Variants in TAB2 observed in about 807,000 individuals in gnomAD.
TAB2 encodes TGF-beta activated kinase 1 (MAP3K7) binding protein 2.
A neutral mutation model predicts 65.0 loss-of-function variants in TAB2; 3 were observed. That is an observed-to-expected ratio of 0.05 (90% CI 0.02 to 0.12). TAB2 has a LOEUF of 0.12. Ranked by LOEUF, TAB2 falls within the 10% of genes least tolerant of loss-of-function variation. The pLI is 1.00. For synonymous variants in TAB2, 298 were observed against 285.1 expected, an observed-to-expected ratio of 1.05 and a Z score of -0.46; for missense variants, 623 against 840.3, an observed-to-expected ratio of 0.74 and a Z score of 3.20.
chr6:149,403,145 A>G (rs1237754689), intron 6 of TAB2, among the ~76,000 whole-genome samples: 1 of 150,832 alleles, frequency 6.6e-6, no homozygotes, highest in Non-Finnish European at 1.5e-5. Flanking sequence ...GAGGCAGGAG[A>G]ATCGCTTGAA....
At position 149,348,440 on chromosome 6, in the gene TAB2, A is replaced by G. The variant is rs533604132; in HGVS notation, c.-89-21469A>G. On this transcript the variant is annotated intron_variant, in intron 1 of 6. Transcript: ENST00000637181. ...AGAAAGAAGGAAAGAAAGAAAGAAAAAAAAAAACTGTTAGCATCATATTGA... is the reference window on the plus strand; with the variant it reads ...AGAAAGAAGGAAAGAAAGAAAGAAAGAAAAAAACTGTTAGCATCATATTGA... 1.7e-4 allele frequency among the ~76,000 whole-genome samples: 26 copies of G among 152,116 alleles called. No homozygotes were observed. The South Asian group carries it at 4.4e-3, about 26-fold the overall frequency.
intron 1 of TAB2, among the ~76,000 whole-genome samples, chr6:149,364,166 T>C (rs926017570): frequency 6.6e-6 from 1 of 152,188 alleles, no homozygotes; most frequent in African/African-American, 2.4e-5. Context: ...TTCTCATATA[T>C]TCTTTTACCC....
chr6:149,290,679 A>G (rs557954963), intron 1 of TAB2, among the ~76,000 whole-genome samples: 1 of 152,168 alleles, frequency 6.6e-6, no homozygotes, highest in Non-Finnish European at 1.5e-5. Context: ...TCCCGTCTCT[A>G]CTAAAAAGAC....
chr6:149,273,019 C>T (rs574047275), intron 1 of TAB2, among the ~76,000 whole-genome samples: 3 of 152,154 alleles, frequency 2.0e-5, no homozygotes, highest in Non-Finnish European at 4.4e-5. Context: ...CACCCCCACC[C>T]CCTTACCTCC....
At chr6:149,399,795 G>A (rs754951733) in intron 6 of TAB2, among the ~76,000 whole-genome samples, 6 of 152,156 alleles carry the variant, frequency 3.9e-5, no homozygotes, top group African/African-American at 1.2e-4. Flanking sequence ...ACACTTAACC[G>A]TGGTATATAA....
intron 1 of TAB2, among the ~76,000 whole-genome samples, chr6:149,258,416 TAC>T (rs56710457): frequency 0.2 from 28,476 of 146,016 alleles, 2,861 homozygotes; most frequent in Admixed American, 0.25. Flanking sequence ...CATGACTGCC[TAC>T]ACACACACAC....
At chr6:149,353,815 A>G (rs1311034167) in intron 1 of TAB2, among the ~76,000 whole-genome samples, 1 of 152,188 alleles carries the variant, frequency 6.6e-6, no homozygotes, top group African/African-American at 2.4e-5. Flanking sequence ...CTTATTTTCT[A>G]ACTTTTCTTC....
chr6:149,232,474 G>A (rs758076132), intron 1 of TAB2, among the ~76,000 whole-genome samples: 13 of 152,150 alleles, frequency 8.5e-5, no homozygotes, highest in Non-Finnish European at 1.9e-4. Context: ...TGTTCCGCCT[G>A]CCTCGGCCTC....
intron 1 of TAB2, among the ~76,000 whole-genome samples, chr6:149,297,053 C>CCT (rs201204793): frequency 2.8e-4 from 42 of 151,222 alleles, no homozygotes; most frequent in Admixed American, 3.3e-4. Context: ...TCTCATTCAT[C>CCT]CTCTCTATCT....
intron 1 of TAB2, among the ~76,000 whole-genome samples, chr6:149,242,004 C>T (rs1777607084): frequency 1.3e-5 from 2 of 152,114 alleles, no homozygotes; most frequent in Non-Finnish European, 2.9e-5. Flanking sequence ...GACTTTCCTC[C>T]CTCATTCTCC....
At chr6:149,356,351 AC>A (rs1395771514) in intron 1 of TAB2, among the ~76,000 whole-genome samples, 1 of 152,230 alleles carries the variant, frequency 6.6e-6, no homozygotes, top group Non-Finnish European at 1.5e-5. Context: ...AAAATGAGCA[AC>A]CATTAAACAA....
At chr6:149,342,201 G>C (rs941472631) in intron 1 of TAB2, among the ~76,000 whole-genome samples, 1 of 152,026 alleles carries the variant, frequency 6.6e-6, no homozygotes, top group Non-Finnish European at 1.5e-5. Flanking sequence ...TTCATTGCTT[G>C]GATATATCTA....
At chr6:149,286,088 G>A (rs762259792) in intron 1 of TAB2, among the ~76,000 whole-genome samples, 4 of 151,540 alleles carry the variant, frequency 2.6e-5, no homozygotes, top group Non-Finnish European at 5.9e-5. Flanking sequence ...TAAAAATGAG[G>A]TATACACTAC....
intron 2 of TAB2, among the ~76,000 whole-genome samples, chr6:149,373,244 G>T (rs1203594345): frequency 3.3e-5 from 5 of 152,110 alleles, no homozygotes; most frequent in Non-Finnish European, 5.9e-5. Context: ...TTTCACTTTG[G>T]TTTTTTAACT....
At chr6:149,229,413 T>C (rs1277010436) in intron 1 of TAB2, among the ~76,000 whole-genome samples, 2 of 151,900 alleles carry the variant, frequency 1.3e-5, no homozygotes, top group African/African-American at 4.8e-5. Context: ...TGTGTGTGTG[T>C]GTGTGTTTGT....
chr6:149,370,865 A>G (rs929737088), intron 2 of TAB2, among the ~76,000 whole-genome samples: 1 of 152,014 alleles, frequency 6.6e-6, no homozygotes, highest in African/African-American at 2.4e-5. Context: ...CAGGAGTTCA[A>G]GAGCAGCCTG....
At chr6:149,327,345 G>C (rs899992767) in intron 1 of TAB2, among the ~76,000 whole-genome samples, 1 of 152,032 alleles carries the variant, frequency 6.6e-6, no homozygotes, top group African/African-American at 2.4e-5. Context: ...TTATTTATTT[G>C]TTTAGAAATG....
At chr6:149,331,412 A>G (rs1372292699) in intron 1 of TAB2, among the ~76,000 whole-genome samples, 1 of 152,074 alleles carries the variant, frequency 6.6e-6, no homozygotes, top group Non-Finnish European at 1.5e-5. Flanking sequence ...TGGATCTTAT[A>G]TTTTGAGACT....
chr6:149,380,926 G>A lies in TAB2; in HGVS notation c.1603+1408G>A, dbSNP rs149856284. On this transcript the variant is annotated intron_variant, in intron 3 of 6. Transcript: ENST00000637181. ...GTCCAAGCTGGGTTGTGGTCCTTTC[G>A]AATTCCAGTATCATTCATGGAGCTT... Among the ~76,000 whole-genome samples, 158 of 152,186 alleles carry A rather than the reference G, an allele frequency of 1.0e-3. 2 individuals carry two copies. The highest frequency in any genetic ancestry group is 3.6e-3 in the African/African-American group (148 of 41,520).
Sources: allele counts gnomAD v4.1 joint callset (sites outside exome capture counted in the v4.1 genomes callset), GRCh38; gene constraint gnomAD v4.1.1; transcripts MANE v1.5; gene names NCBI Gene and HGNC (gene_info 2026-07-23, HGNC 2026-07-21).